NINL: variants seen among roughly 807,000 people sequenced by gnomAD.
The protein encoded by NINL is ninein-like protein.
A neutral mutation model predicts 160.3 loss-of-function variants in NINL; 153 were observed. The observed-to-expected ratio is 0.95, with a 90% confidence interval of 0.84 to 1.09. The LOEUF is 1.09. Among genes scored for constraint, NINL ranks in the 50% least tolerant of loss-of-function variants. The pLI is 0.00. For missense variants in NINL, 1,829 were observed against 1,764.0 expected, an observed-to-expected ratio of 1.04 and a Z score of -0.66; for synonymous variants, 800 against 734.8, an observed-to-expected ratio of 1.09 and a Z score of -1.43.
chr20:25,506,181 G>C (rs2063958945), intron 5 of NINL, among the ~76,000 whole-genome samples: 1 of 152,158 alleles, frequency 6.6e-6, no homozygotes, highest in Admixed American at 6.5e-5. Flanking sequence ...GAACTGCATG[G>C]ACCCAAGAGG....
At position 25,498,288 on chromosome 20, in the gene NINL, T is replaced by C. The variant is rs1568915590; in HGVS notation, c.1091A>G (p.Asp364Gly). 1.2e-6 allele frequency: 2 copies of C among 1,613,406 alleles called. No individual in the cohort carries two copies. Among genetic ancestry groups the C allele is most frequent in the South Asian group, 2.2e-5 (2 of 91,044 alleles). Residue 364 changes from aspartate (D) to glycine (G), a missense_variant, in exon 9 of 24, where the codon GAC becomes GGC. By Grantham distance (94) the Asp-to-Gly change is moderately conservative. Coordinates refer to ENST00000278886, the MANE Select transcript of NINL (RefSeq NM_025176.6). ...ACTGTCCACTGTCATGAGCTCGTTG[T>C]CAAGGGCCCAGGTCAGCTCCAGAAG... is the stretch of plus-strand genomic sequence containing the variant. ...VNLLELTWAL[D>G]NELMTVDSAV...
At chr20:25,506,941 A>C (rs2063973853) in intron 5 of NINL, among the ~76,000 whole-genome samples, 1 of 152,216 alleles carries the variant, frequency 6.6e-6, no homozygotes. Flanking sequence ...ATCATACCTA[A>C]CAAAATCAAC....
At chr20:25,576,239 A>ATTT (rs2065113725) in intron 1 of NINL, among the ~76,000 whole-genome samples, 1 of 152,146 alleles carries the variant, frequency 6.6e-6, no homozygotes, top group African/African-American at 2.4e-5. Flanking sequence ...AGACACAGGC[A>ATTT]GGGCGTTATG....
chr20:25,526,367 A>G lies in NINL; in HGVS notation c.180+41T>C, dbSNP rs765318681. 6 of 1,561,174 alleles carry G rather than the reference A, an allele frequency of 3.8e-6. No individual in the cohort carries two copies. The East Asian group carries it at 1.4e-4, about 35-fold the overall frequency. On this transcript the variant is annotated intron_variant, in intron 2 of 23. Transcript: ENST00000278886. ...AAATGCCCATAAGAGCCAACTATAGACCCCGTGCTTTCCTTTATGACAATG... is the reference window on the plus strand; with the variant it reads ...AAATGCCCATAAGAGCCAACTATAGGCCCCGTGCTTTCCTTTATGACAATG...
At chr20:25,481,304 T>G (rs973851480) in intron 14 of NINL, among the ~76,000 whole-genome samples, 1 of 152,122 alleles carries the variant, frequency 6.6e-6, no homozygotes, top group Non-Finnish European at 1.5e-5. Flanking sequence ...GTGCATTGTA[T>G]GCTGCTATTG....
rs946281817 is a variant in NINL, at chr20:25,453,181, C to G, written c.*270G>C. ...TGCTGACAGCTCCCAGGATCTGGCT[C>G]CAGAGAGTGGCAAAACTGGGAATTT... is the stretch of plus-strand genomic sequence containing the variant. On this transcript the variant is annotated 3_prime_UTR_variant, in exon 24 of 24. Coordinates refer to ENST00000278886, the MANE Select transcript of NINL (RefSeq NM_025176.6). 3 of 335,000 alleles carry G rather than the reference C, an allele frequency of 9.0e-6. No individual in the cohort carries two copies. Among genetic ancestry groups the G allele is most frequent in the Non-Finnish European group, 1.6e-5 (3 of 185,338 alleles). 20.8% of individuals were successfully genotyped at this position (335,000 alleles called of 1,614,324 possible).
chr20:25,531,367 G>C (rs536561061), intron 1 of NINL, among the ~76,000 whole-genome samples: 1 of 152,256 alleles, frequency 6.6e-6, no homozygotes, highest in South Asian at 2.1e-4. Flanking sequence ...CTCAGCTTAC[G>C]AAAATGATGA....
chr20:25,568,189 G>GA (rs2065015415), intron 1 of NINL, among the ~76,000 whole-genome samples: 1 of 145,732 alleles, frequency 6.9e-6, no homozygotes, highest in South Asian at 2.2e-4. Flanking sequence ...CTAACGAAGG[G>GA]AAAAAAAGAG....
rs555921072 is a variant in NINL, at chr20:25,473,613, CAGG to C, written c.3248+2427_3248+2429del. On this transcript the variant is annotated intron_variant, in intron 17 of 23. Coordinates refer to ENST00000278886, the MANE Select transcript of NINL (RefSeq NM_025176.6). ...ATGAGGCAGGCAAATCACTTGAGGC[CAGG>C]AGTTCAAGACCAGCCTGGCCAACAT... Among the ~76,000 whole-genome samples the C allele has an allele frequency of 3.6e-3, 539 of 151,756 alleles. 4 individuals carry two copies. Among genetic ancestry groups the C allele is most frequent in the African/African-American group, 0.013 (518 of 41,384 alleles).
intron 1 of NINL, among the ~76,000 whole-genome samples, chr20:25,562,054 G>A (rs180766150): frequency 4.8e-4 from 58 of 122,094 alleles, no homozygotes; most frequent in African/African-American, 6.8e-4. Context: ...CCGGCCAGCC[G>A]CCCCGTCCGG....
At chr20:25,508,536 G>C (rs1446132663) in intron 5 of NINL, among the ~76,000 whole-genome samples, 1 of 152,216 alleles carries the variant, frequency 6.6e-6, no homozygotes, top group Non-Finnish European at 1.5e-5. Context: ...CACTGACTGG[G>C]AGCCACTGAC....
At chr20:25,548,631 G>A (rs1301162938) in intron 1 of NINL, among the ~76,000 whole-genome samples, 3 of 124,198 alleles carry the variant, frequency 2.4e-5, no homozygotes, top group South Asian at 2.7e-4. Flanking sequence ...ACGGCCACAC[G>A]TCCCACACCC....
chr20:25,540,421 G>A (rs1541061), intron 1 of NINL, among the ~76,000 whole-genome samples: 60,688 of 151,984 alleles, frequency 0.4, 13,334 homozygotes, highest in East Asian at 0.91. Context: ...GGAGGCCGGA[G>A]GAGAAGGTGT....
intron 1 of NINL, among the ~76,000 whole-genome samples, chr20:25,545,274 G>A (rs994720166): frequency 6.6e-6 from 1 of 152,180 alleles, no homozygotes; most frequent in Admixed American, 6.5e-5. Context: ...GACTAAAGGA[G>A]GAGTCAGTTC....
At position 25,476,477 on chromosome 20, in the gene NINL, G is replaced by C; in HGVS notation, c.2814C>G (p.Ala938=). 1 of 1,606,192 alleles carries C rather than the reference G, an allele frequency of 6.2e-7. No homozygotes were observed. The highest frequency in any genetic ancestry group is 8.5e-7 in the Non-Finnish European group (1 of 1,179,874). The part of the protein sequence containing the change: ...ASAAGLEQPG[A]RELPLLGTER... ...CTGTTCCCAGCAGAGGCAGCTCCCGGGCTCCAGGCTGCTCCAGCCCCGCTG... is the reference window on the plus strand; with the variant it reads ...CTGTTCCCAGCAGAGGCAGCTCCCGCGCTCCAGGCTGCTCCAGCCCCGCTG... The change falls in exon 17 of 24, where the codon GCC becomes GCG. Residue 938 remains alanine (A), a synonymous_variant. Coordinates refer to ENST00000278886, the MANE Select transcript of NINL (RefSeq NM_025176.6).
chr20:25,543,166 GAC>G (rs1207437425), intron 1 of NINL, among the ~76,000 whole-genome samples: 3 of 151,976 alleles, frequency 2.0e-5, no homozygotes, highest in African/African-American at 7.2e-5. Context: ...AGATTACACA[GAC>G]ACACACACCC....
Position 25,458,494 on chromosome 20 carries a change from C to G in NINL, c.3732G>C (p.Gln1244His), listed in dbSNP as rs1228582148. The part of the protein sequence containing the change: ...QGAHLRLRQA[Q>H]AQHLQEVRLV... Reference sequence around the variant, plus strand: ...GCCGGACCTCCTGCAAGTGCTGGGCCTGGGCCTGCCTCAGCCTCAGGTGAG... The same window carrying G: ...GCCGGACCTCCTGCAAGTGCTGGGCGTGGGCCTGCCTCAGCCTCAGGTGAG... Residue 1244 changes from glutamine to histidine, a missense_variant, in exon 22 of 24, where the codon CAG becomes CAC. Physicochemically the swap from Gln to His is conservative, Grantham distance 24 (BLOSUM62 0). Transcript: ENST00000278886. The G allele has an allele frequency of 6.2e-7, 1 of 1,601,124 alleles. No homozygotes were observed. Among genetic ancestry groups the G allele is most frequent in the Non-Finnish European group, 8.5e-7 (1 of 1,179,592 alleles).
intron 18 of NINL, among the ~76,000 whole-genome samples, chr20:25,468,808 T>G (rs61638282): frequency 0.012 from 1,231 of 105,828 alleles, 56 homozygotes; most frequent in African/African-American, 0.045. Flanking sequence ...CTCTCACTGG[T>G]GGGCACCCCC....
chr20:25,556,952 C>T (rs755326370), intron 1 of NINL, among the ~76,000 whole-genome samples: 13 of 152,124 alleles, frequency 8.5e-5, no homozygotes, highest in South Asian at 2.1e-4. Flanking sequence ...GAGCTATGGG[C>T]ACCAGGGGAG....
Sources: allele counts gnomAD v4.1 joint callset (sites outside exome capture counted in the v4.1 genomes callset), GRCh38; gene constraint gnomAD v4.1.1; transcripts MANE v1.5; gene names NCBI Gene and HGNC (gene_info 2026-07-23, HGNC 2026-07-21).